LRRIQ3: variants seen among roughly 807,000 people sequenced by gnomAD.
LRRIQ3 encodes leucine-rich repeat and IQ domain-containing protein 3.
In LRRIQ3, 75 loss-of-function variants were observed where a neutral mutation model predicts 59.3. The observed-to-expected ratio is 1.26, with a 90% CI of 1.05 to 1.53. LRRIQ3 has a LOEUF of 1.53. Among genes scored for constraint, LRRIQ3 ranks in the 40% most tolerant of loss-of-function variants. The pLI is 0.00. For missense variants in LRRIQ3, 831 were observed against 710.0 expected, an observed-to-expected ratio of 1.17 and a Z score of -1.94; for synonymous variants, 250 against 231.3, an observed-to-expected ratio of 1.08 and a Z score of -0.73.
intron 5 of LRRIQ3, among the ~76,000 whole-genome samples, chr1:74,087,810 G>A (rs958554818): frequency 6.6e-6 from 1 of 151,942 alleles, no homozygotes; most frequent in African/African-American, 2.4e-5. Context: ...AGGTAAAAAA[G>A]TCATCAGGCT....
chr1:74,177,400 A>G (rs1252635819), intron 3 of LRRIQ3, among the ~76,000 whole-genome samples: 2 of 152,140 alleles, frequency 1.3e-5, no homozygotes, highest in Non-Finnish European at 2.9e-5. Context: ...CCTTGTGATC[A>G]TGTAAGTTAA....
intron 6 of LRRIQ3, among the ~76,000 whole-genome samples, chr1:74,047,615 G>T (rs1043261578): frequency 2.0e-5 from 3 of 151,776 alleles, no homozygotes; most frequent in African/African-American, 7.3e-5. Context: ...TAAAAAAGAG[G>T]CCTGATAGAG....
Position 74,178,684 on chromosome 1 carries a change from T to A in LRRIQ3, c.573+3854A>T, listed in dbSNP as rs182990536. Among the ~76,000 whole-genome samples, 21 of 152,288 alleles carry A rather than the reference T, an allele frequency of 1.4e-4. No homozygotes were observed. In the East Asian group the frequency reaches 4.0e-3, roughly 29 times the overall value. On this transcript the variant is annotated intron_variant, in intron 3 of 7. Coordinates refer to ENST00000354431, the MANE Select transcript of LRRIQ3 (RefSeq NM_001105659.2). ...TTTATTAATAGAATATTGGTTTTGT[T>A]TAGGAAGTAAATGTGTCCACTTAAA...
chr1:74,073,031 A>G (rs1038029469), intron 6 of LRRIQ3, among the ~76,000 whole-genome samples: 2 of 152,096 alleles, frequency 1.3e-5, no homozygotes, highest in Admixed American at 6.6e-5. Context: ...TGAGAGCATA[A>G]AAAGTGTAAA....
At chr1:74,153,924 T>C (rs1648140486) in intron 4 of LRRIQ3, among the ~76,000 whole-genome samples, 1 of 152,030 alleles carries the variant, frequency 6.6e-6, no homozygotes, top group Admixed American at 6.6e-5. Flanking sequence ...CAGAGAGCAC[T>C]AAATATAACA....
chr1:74,036,428 T>C (rs1351197762), intron 7 of LRRIQ3, among the ~76,000 whole-genome samples: 3 of 152,194 alleles, frequency 2.0e-5, no homozygotes, highest in African/African-American at 7.2e-5. Flanking sequence ...TTGTCTATTC[T>C]TCATCAAATC....
chr1:74,102,912 T>C (rs1646555413), intron 5 of LRRIQ3, among the ~76,000 whole-genome samples: 1 of 151,990 alleles, frequency 6.6e-6, no homozygotes, highest in South Asian at 2.1e-4. Context: ...ATAAATGGTG[T>C]CAAAGATGGG....
chr1:74,142,006 C>T (rs908020842), intron 4 of LRRIQ3, among the ~76,000 whole-genome samples: 6 of 148,372 alleles, frequency 4.0e-5, no homozygotes, highest in Non-Finnish European at 7.4e-5. Flanking sequence ...CACACACACA[C>T]ATATTACACA....
chr1:74,162,879 A>G (rs1340368426), intron 3 of LRRIQ3, among the ~76,000 whole-genome samples: 1 of 151,646 alleles, frequency 6.6e-6, no homozygotes. Context: ...AGATTTGTCA[A>G]AAGACAGAAA....
At chr1:74,064,108 A>T (rs540132700) in intron 6 of LRRIQ3, among the ~76,000 whole-genome samples, 5,076 of 151,878 alleles carry the variant, frequency 0.033, 296 homozygotes, top group African/African-American at 0.12. Flanking sequence ...ATATTTAGAT[A>T]CTATATATAA....
Position 74,044,261 on chromosome 1 carries a change from T to G in LRRIQ3, c.998-2328A>C, listed in dbSNP as rs575836732. 2.3e-3 allele frequency among the ~76,000 whole-genome samples: 347 copies of G among 152,154 alleles called. 2 individuals are homozygous for G. Among genetic ancestry groups the G allele is most frequent in the Non-Finnish European group, 4.0e-3 (269 of 67,974 alleles). ...AGATGTGTGTCCCCTCCAAATCCCA[T>G]GTTGAAATGCAATCCCCAATGTTGG... On this transcript the variant is annotated intron_variant, in intron 6 of 7. Coordinates refer to ENST00000354431, the MANE Select transcript of LRRIQ3 (RefSeq NM_001105659.2).
At chr1:74,169,591 C>G (rs909038006) in intron 3 of LRRIQ3, among the ~76,000 whole-genome samples, 2 of 152,128 alleles carry the variant, frequency 1.3e-5, no homozygotes, top group South Asian at 2.1e-4. Flanking sequence ...TGCTCTGTCA[C>G]CCAGGCTGGT....
chr1:74,054,244 G>C (rs1338488384), intron 6 of LRRIQ3, among the ~76,000 whole-genome samples: 1 of 151,780 alleles, frequency 6.6e-6, no homozygotes, highest in Non-Finnish European at 1.5e-5. Flanking sequence ...AAAAATAAAT[G>C]CATATTATTG....
At chr1:74,122,786 A>G (rs1025565346) in intron 4 of LRRIQ3, among the ~76,000 whole-genome samples, 1 of 152,182 alleles carries the variant, frequency 6.6e-6, no homozygotes, top group Non-Finnish European at 1.5e-5. Flanking sequence ...CTTCATGTCT[A>G]AAACACCAAA....
At chr1:74,102,400 T>C (rs1646548903) in intron 5 of LRRIQ3, among the ~76,000 whole-genome samples, 1 of 151,802 alleles carries the variant, frequency 6.6e-6, no homozygotes. Context: ...ATCAGAAAAA[T>C]GCAAATCAAA....
chr1:74,144,129 T>C (rs1647403936), intron 4 of LRRIQ3, among the ~76,000 whole-genome samples: 1 of 151,956 alleles, frequency 6.6e-6, no homozygotes, highest in South Asian at 2.1e-4. Flanking sequence ...AGCTCTTGTT[T>C]TTTCTCTTTT....
At chr1:74,132,339 C>T (rs1647037533) in intron 4 of LRRIQ3, among the ~76,000 whole-genome samples, 1 of 151,888 alleles carries the variant, frequency 6.6e-6, no homozygotes, top group African/African-American at 2.4e-5. Flanking sequence ...CATCAAACTA[C>T]CAATGACTTT....
At chr1:74,185,321 T>A (rs976370957) in intron 1 of LRRIQ3, among the ~76,000 whole-genome samples, 6 of 152,172 alleles carry the variant, frequency 3.9e-5, no homozygotes, top group Non-Finnish European at 7.4e-5. Flanking sequence ...GTTGTCAATG[T>A]TTTGATTTTG....
chr1:74,139,324 G>A (rs1056614640), intron 4 of LRRIQ3, among the ~76,000 whole-genome samples: 10 of 151,494 alleles, frequency 6.6e-5, no homozygotes, highest in South Asian at 4.1e-4. Context: ...AGGAAAAAGC[G>A]AGAAGCTAGG....
Sources: gnomAD v4.1 joint callset for allele counts (sites outside exome capture counted in the v4.1 genomes callset) on GRCh38, gnomAD v4.1.1 for gene constraint, MANE v1.5 for transcripts, NCBI Gene and HGNC (gene_info 2026-07-23, HGNC 2026-07-21) for gene names.